ATP2C1: variants seen among roughly 807,000 people sequenced by gnomAD.
ATP2C1 encodes ATPase secretory pathway Ca2+ transporting 1, also known as calcium-transporting ATPase type 2C member 1.
In ATP2C1, 31 loss-of-function variants were observed where a neutral mutation model predicts 120.5. The observed-to-expected ratio is 0.26, with a 90% CI of 0.19 to 0.35. The LOEUF is 0.35. ATP2C1 is among the 10% of genes least tolerant of loss of function. The probability of loss-of-function intolerance (pLI) is 1.00; values close to 1 mark genes in which losing one functional copy is unlikely to be tolerated. For synonymous variants in ATP2C1, 351 were observed against 358.7 expected, an observed-to-expected ratio of 0.98 and a Z score of 0.24; for missense variants, 731 against 1,107.5, an observed-to-expected ratio of 0.66 and a Z score of 4.83.
At chr3:130,930,560 G>A in intron 3 of ATP2C1, 34 bp downstream of exon 3, 1 of 1,325,758 alleles carries the variant, frequency 7.5e-7, no homozygotes, top group Non-Finnish European at 1.1e-6. Context: ...GGACTAGATG[G>A]TGTAAAGTCA....
chr3:130,969,820 G>T (rs754520547), intron 17 of ATP2C1, among the ~76,000 whole-genome samples: 31 of 152,254 alleles, frequency 2.0e-4, no homozygotes, highest in Admixed American at 3.9e-4. Flanking sequence ...AAAGTAGTTT[G>T]CAAATGTATG....
intron 2 of ATP2C1, among the ~76,000 whole-genome samples, chr3:130,916,857 T>G (rs954007412): frequency 3.9e-5 from 6 of 152,210 alleles, no homozygotes; most frequent in African/African-American, 1.4e-4. Context: ...CTTTTCTTAC[T>G]CATGTTGAGG....
chr3:130,931,954 T>G, intron 3 of ATP2C1, 68 bp from the exon 4 acceptor site: 1 of 974,698 alleles, frequency 1.0e-6, no homozygotes, highest in Non-Finnish European at 1.7e-6. Context: ...CATTATATTA[T>G]GTGCTTTTTT....
intron 26 of ATP2C1, among the ~76,000 whole-genome samples, chr3:131,013,577 C>T (rs537445075): frequency 2.5e-4 from 38 of 152,352 alleles, no homozygotes; most frequent in Non-Finnish European, 3.7e-4. Context: ...CTGTCATGGT[C>T]TCATTGACTA....
rs1235735213 is a variant in ATP2C1, at chr3:130,996,119, T to C, written c.2126+8T>C. 6.2e-7 allele frequency: 1 copy of C among 1,601,802 alleles called. No individual in the cohort carries two copies. Among genetic ancestry groups the C allele is most frequent in the Non-Finnish European group, 8.6e-7 (1 of 1,168,846 alleles). On this transcript the variant is annotated splice_region_variant and intron_variant, in intron 23 of 27. Coordinates refer to ENST00000510168, the MANE Select transcript of ATP2C1 (RefSeq NM_001378687.1). ...TAGATTCCAGCTGAGCACGTAAGTT[T>C]GCAAGAAATTTGTCACCATGGGTCT...
chr3:131,014,315 C>T (rs977123383), intron 26 of ATP2C1: 1 of 1,613,866 alleles, frequency 6.2e-7, no homozygotes, highest in Non-Finnish European at 8.5e-7. Flanking sequence ...GACATATGCT[C>T]AGGAGACTTT....
intron 4 of ATP2C1, among the ~76,000 whole-genome samples, chr3:130,932,377 T>A (rs1438275479): frequency 6.6e-6 from 1 of 152,262 alleles, no homozygotes; most frequent in East Asian, 1.9e-4. Context: ...ATAATACTGT[T>A]GACAGTAGTG....
At chr3:130,957,509 T>C (rs1343024360) in intron 11 of ATP2C1, among the ~76,000 whole-genome samples, 1 of 152,156 alleles carries the variant, frequency 6.6e-6, no homozygotes, top group Non-Finnish European at 1.5e-5. Flanking sequence ...TCTTACCGTG[T>C]TAATTATTCC....
At chr3:130,882,260 C>T (rs1201635514) in intron 1 of ATP2C1, among the ~76,000 whole-genome samples, 41 of 150,978 alleles carry the variant, frequency 2.7e-4, no homozygotes, top group Middle Eastern at 3.2e-3. Context: ...TGCAGTGGCG[C>T]GACCTTGGAT....
chr3:130,882,102 T>G (rs924532349), intron 1 of ATP2C1, among the ~76,000 whole-genome samples: 5 of 152,334 alleles, frequency 3.3e-5, no homozygotes, highest in African/African-American at 4.8e-5. Flanking sequence ...ATAATAGTGG[T>G]GAAAAAGTGG....
At chr3:130,949,671 TTATG>T (rs2060288330) in intron 8 of ATP2C1, among the ~76,000 whole-genome samples, 1 of 152,170 alleles carries the variant, frequency 6.6e-6, no homozygotes, top group African/African-American at 2.4e-5. Context: ...AGTTAGCAAT[TTATG>T]TAAGCATCTA....
intron 20 of ATP2C1, among the ~76,000 whole-genome samples, chr3:130,992,699 T>A (rs1330273888): frequency 6.6e-6 from 1 of 152,212 alleles, no homozygotes; most frequent in Non-Finnish European, 1.5e-5. Flanking sequence ...CTTTCCAGAG[T>A]TTACACATAA....
chr3:130,993,198 T>G (rs1324356067), intron 21 of ATP2C1, among the ~76,000 whole-genome samples, 197 bp downstream of exon 21: 1 of 152,170 alleles, frequency 6.6e-6, no homozygotes, highest in African/African-American at 2.4e-5. Flanking sequence ...GAAGAAAACT[T>G]GAATGAAGTA....
chr3:130,996,009 T>G (rs2108914530), intron 22 of ATP2C1, 34 bp from the exon 23 acceptor site: 1 of 1,302,190 alleles, frequency 7.7e-7, no homozygotes, highest in East Asian at 2.3e-5. Flanking sequence ...TATGATAATA[T>G]TTTCTCACTT....
upstream of ATP2C1, chr3:130,893,903 AAGTCTCGGCCTTCACTTCACTT>A (rs2069324821): frequency 1.0e-6 from 1 of 984,786 alleles, no homozygotes; most frequent in Admixed American, 6.1e-5. Flanking sequence ...TTCCGGGCCG[AAGTCTCGGCCTTCACTTCACTT>A]CCGCCTTCCC....
chr3:130,877,186 C>G (rs960033327), intron 1 of ATP2C1, among the ~76,000 whole-genome samples: 1 of 152,118 alleles, frequency 6.6e-6, no homozygotes, highest in Non-Finnish European at 1.5e-5. Flanking sequence ...ATACATTTTT[C>G]CATTCCTTCA....
At chr3:130,904,565 A>AT (rs1175737259) in intron 2 of ATP2C1, among the ~76,000 whole-genome samples, 2 of 152,146 alleles carry the variant, frequency 1.3e-5, no homozygotes, top group African/African-American at 4.8e-5. Context: ...ATAAATGTTC[A>AT]TTTTAACCTT....
At chr3:130,938,363 A>G (rs2059757601) in intron 6 of ATP2C1, among the ~76,000 whole-genome samples, 1 of 152,212 alleles carries the variant, frequency 6.6e-6, no homozygotes, top group South Asian at 2.1e-4. Flanking sequence ...GAAAAATGTA[A>G]TATTGTTGCA....
At chr3:130,979,115 A>G in intron 18 of ATP2C1, 134 bp from the exon 19 acceptor site, 2 of 847,652 alleles carry the variant, frequency 2.4e-6, no homozygotes, top group East Asian at 2.6e-5. Context: ...AATCATTTTG[A>G]TTTTACAAAT....
Sources: gnomAD v4.1 joint callset for allele counts (sites outside exome capture counted in the v4.1 genomes callset) on GRCh38, gnomAD v4.1.1 for gene constraint, MANE v1.5 for transcripts, NCBI Gene and HGNC (gene_info 2026-07-23, HGNC 2026-07-21) for gene names.